Variants in NTRK3 observed in about 807,000 individuals in gnomAD.
The protein encoded by NTRK3 is neurotrophic receptor tyrosine kinase 3.
In NTRK3, 24 loss-of-function variants were observed where a neutral mutation model predicts 91.7. That is an observed-to-expected ratio of 0.26 (90% CI 0.19 to 0.37). The LOEUF (loss-of-function observed/expected upper bound fraction) is 0.37, where lower values mean the gene tolerates loss of function less well. Ranked by LOEUF, NTRK3 falls within the 10% of genes least tolerant of loss-of-function variation. The pLI, the probability that NTRK3 is intolerant of heterozygous loss-of-function variation, is 1.00. For missense variants in NTRK3, 880 were observed against 1,068.9 expected, an observed-to-expected ratio of 0.82 and a Z score of 2.46; for synonymous variants, 483 against 404.0, an observed-to-expected ratio of 1.20 and a Z score of -2.34.
intron 3 of NTRK3, among the ~76,000 whole-genome samples, chr15:88,250,186 C>T (rs751581128): frequency 1.1e-4 from 16 of 152,168 alleles, no homozygotes; most frequent in Non-Finnish European, 1.3e-4. Context: ...GAAAGGGCCA[C>T]GCCCAAGAAA....
intron 5 of NTRK3, among the ~76,000 whole-genome samples, chr15:88,150,767 G>C (rs575500584): frequency 6.6e-6 from 1 of 152,262 alleles, no homozygotes; most frequent in East Asian, 1.9e-4. Context: ...TATACAAAAA[G>C]ACAAGAGATA....
intron 3 of NTRK3, among the ~76,000 whole-genome samples, chr15:88,214,707 C>A (rs1256385723): frequency 6.6e-6 from 1 of 151,912 alleles, no homozygotes; most frequent in Non-Finnish European, 1.5e-5. Flanking sequence ...AAAATGTGCC[C>A]CCAAATGAAC....
intron 13 of NTRK3, among the ~76,000 whole-genome samples, chr15:88,060,632 T>A (rs1215359765): frequency 2.0e-5 from 3 of 152,088 alleles, no homozygotes; most frequent in African/African-American, 7.2e-5. Context: ...GGCACTTTGA[T>A]GGGAAGCCCT....
intron 13 of NTRK3, among the ~76,000 whole-genome samples, chr15:88,038,463 T>C (rs75096262): frequency 0.064 from 9,725 of 152,252 alleles, 459 homozygotes; most frequent in Admixed American, 0.13. Context: ...GGGCTCCTTA[T>C]AGGGCTACGG....
chr15:87,931,205 C>T (rs1345126172), intron 16 of NTRK3: 1 of 518,022 alleles, frequency 1.9e-6, no homozygotes, highest in African/African-American at 1.9e-5. Context: ...TTTCTTTAAC[C>T]CTGCTGGTGG....
At chr15:87,962,856 CAT>C (rs1207027152) in intron 14 of NTRK3, among the ~76,000 whole-genome samples, 1 of 152,150 alleles carries the variant, frequency 6.6e-6, no homozygotes. Context: ...CTCTGCAGGA[CAT>C]AGAGATTAGA....
intron 13 of NTRK3, among the ~76,000 whole-genome samples, chr15:88,048,264 GA>G (rs1220435949): frequency 6.6e-6 from 1 of 152,138 alleles, no homozygotes; most frequent in African/African-American, 2.4e-5. Flanking sequence ...ATCTCTTAGA[GA>G]AATTAGTGCC....
At chr15:87,879,286 A>C (rs2065111167) in intron 18 of NTRK3, among the ~76,000 whole-genome samples, 1 of 152,224 alleles carries the variant, frequency 6.6e-6, no homozygotes, top group Non-Finnish European at 1.5e-5. Context: ...TTTTCCCAGC[A>C]AACAGAAGAC....
chr15:88,039,911 AGAG>A (rs546054135), intron 13 of NTRK3, among the ~76,000 whole-genome samples: 51 of 152,378 alleles, frequency 3.3e-4, no homozygotes, highest in Non-Finnish European at 6.9e-4. Context: ...GAGGAAAAGC[AGAG>A]GAGAACCAAG....
At chr15:88,136,474 G>C (rs2151207918) in exon 8 of NTRK3, 1 of 1,614,152 alleles carries the variant, frequency 6.2e-7, no homozygotes, top group Non-Finnish European at 8.5e-7. Context: ...TACCTGGTGA[G>C]TGTTGATGGA....
intron 6 of NTRK3, among the ~76,000 whole-genome samples, chr15:88,146,679 A>G (rs566806402): frequency 3.3e-5 from 5 of 152,304 alleles, no homozygotes; most frequent in Admixed American, 2.6e-4. Flanking sequence ...TCAGCCTTGG[A>G]CCACAGCAAA....
At chr15:87,903,396 A>G (rs2066568860) in intron 17 of NTRK3, among the ~76,000 whole-genome samples, 1 of 152,086 alleles carries the variant, frequency 6.6e-6, no homozygotes. Flanking sequence ...CACAACCAGA[A>G]AGATTCCCTC....
At chr15:88,051,888 G>T (rs2080860897) in intron 13 of NTRK3, among the ~76,000 whole-genome samples, 1 of 152,118 alleles carries the variant, frequency 6.6e-6, no homozygotes, top group African/African-American at 2.4e-5. Flanking sequence ...CCATGCTAGG[G>T]GATCACAGTT....
At chr15:87,888,454 A>G (rs1415609662) in intron 17 of NTRK3, among the ~76,000 whole-genome samples, 1 of 152,188 alleles carries the variant, frequency 6.6e-6, no homozygotes, top group East Asian at 1.9e-4. Flanking sequence ...CTACAAACCA[A>G]GAACTTACAG....
At chr15:88,021,272 A>G (rs1387295162) in intron 14 of NTRK3, among the ~76,000 whole-genome samples, 3 of 152,248 alleles carry the variant, frequency 2.0e-5, no homozygotes, top group Admixed American at 2.0e-4. Context: ...GAAATGTGAC[A>G]GTGCCTGTGC....
intron 3 of NTRK3, among the ~76,000 whole-genome samples, chr15:88,228,819 C>T (rs927770550): frequency 1.3e-5 from 2 of 152,202 alleles, no homozygotes; most frequent in African/African-American, 4.8e-5. Flanking sequence ...CCCTTCACCT[C>T]ACCTTGCCAT....
intron 13 of NTRK3, among the ~76,000 whole-genome samples, chr15:88,119,024 T>G (rs2052412681): frequency 6.6e-6 from 1 of 152,350 alleles, no homozygotes; most frequent in South Asian, 2.1e-4. Flanking sequence ...AAAAATATTT[T>G]GCATCAGCCT....
chr15:88,058,047 TC>T (rs1555486421), intron 13 of NTRK3, among the ~76,000 whole-genome samples: 25 of 152,202 alleles, frequency 1.6e-4, no homozygotes, highest in Admixed American at 1.3e-4. Flanking sequence ...GCTCGCTCTC[TC>T]TGGGTGAGAT....
rs776249752 is a variant in NTRK3 at position 88,147,315 on chromosome 15, G to T, written c.464+20C>A. The T allele has an allele frequency of 2.5e-6, 4 of 1,611,074 alleles. No individual in the cohort carries two copies. The Admixed American group carries it at 5.0e-5, about 20-fold the overall frequency. ...TTACCAGCACTTCAGTACCTGGACA[G>T]TCTTCAAAACCAAACTTACAATTCC... On this transcript the variant is annotated intron_variant, in intron 6 of 18. Coordinates refer to ENST00000394480, the Ensembl canonical transcript of NTRK3.
Sources: allele counts gnomAD v4.1 joint callset (sites outside exome capture counted in the v4.1 genomes callset), GRCh38; gene constraint gnomAD v4.1.1; transcripts MANE v1.5; gene names NCBI Gene and HGNC (gene_info 2026-07-23, HGNC 2026-07-21).